Variants in ARHGEF1 observed in about 807,000 individuals in gnomAD.
ARHGEF1 encodes the protein 115 kDa guanine nucleotide exchange factor.
In ARHGEF1, 40 loss-of-function variants were observed where a neutral mutation model predicts 119.7. The observed-to-expected ratio is 0.33, with a 90% confidence interval of 0.26 to 0.44. The LOEUF is 0.44. Ranked by LOEUF, ARHGEF1 falls within the 20% of genes least tolerant of loss-of-function variation. The probability of loss-of-function intolerance (pLI) is 1.00; values close to 1 mark genes in which losing one functional copy is unlikely to be tolerated. For synonymous variants in ARHGEF1, 494 were observed against 521.0 expected, an observed-to-expected ratio of 0.95 and a Z score of 0.71; for missense variants, 976 against 1,268.3, an observed-to-expected ratio of 0.77 and a Z score of 3.50.
At chr19:41,894,792 C>T in intron 11 of ARHGEF1, 131 bp downstream of exon 11, 4 of 1,074,736 alleles carry the variant, frequency 3.7e-6, no homozygotes, top group Non-Finnish European at 4.1e-6. Flanking sequence ...GGGATGGGGG[C>T]CTGGACACCT....
chr19:41,917,737 G>A lies in ARHGEF1; in HGVS notation c.1866-5355G>A, dbSNP rs75662567. On this transcript the variant is annotated intron_variant, in intron 18 of 20. Transcript: ENST00000599589. This position sits in a 1 kb window ranked among gnomAD's most constrained non-coding sequence, Gnocchi z 4.8. Reference sequence around the variant, plus strand: ...GGACATATCTCTCCTTACGCCACACGCCCATGTAGGACACATCTGTGCACA... The same window carrying A: ...GGACATATCTCTCCTTACGCCACACACCCATGTAGGACACATCTGTGCACA... Among the ~76,000 whole-genome samples, 4,077 of 151,562 alleles carry A rather than the reference G, an allele frequency of 0.027. 184 individuals carry two copies. Among genetic ancestry groups the A allele is most frequent in the African/African-American group, 0.093 (3,825 of 41,146 alleles).
In ARHGEF1 at chr19:41,905,720, G is replaced by A. The variant is rs782307324; in HGVS notation, c.2337-40G>A. 6.2e-6 allele frequency: 10 copies of A among 1,610,686 alleles called. No homozygotes were observed. The South Asian group carries it at 6.6e-5, about 11-fold the overall frequency. ...TCTCCCTGCCCCTGCGGCCCCCCAG[G>A]GCCAGGGGTGTGGGGTCACCCAGCA... On this transcript the variant is annotated intron_variant, in intron 24 of 28. Transcript: ENST00000354532. This position sits in a 1 kb window ranked among gnomAD's most constrained non-coding sequence, Gnocchi z 6.4.
At position 41,892,209 on chromosome 19, in the gene ARHGEF1, G is replaced by T; in HGVS notation, c.324+86G>T. On this transcript the variant is annotated intron_variant, in intron 5 of 28. Transcript: ENST00000354532. This position sits in a 1 kb window ranked among gnomAD's most constrained non-coding sequence, Gnocchi z 6.3. ...TGCGGTCCCCAGCCTCTGCCCTGAGGGCAGCTGCTGACCCAGGCCTTCCCC... is the reference window on the plus strand; with the variant it reads ...TGCGGTCCCCAGCCTCTGCCCTGAGTGCAGCTGCTGACCCAGGCCTTCCCC... 1 of 1,561,998 alleles carries T rather than the reference G, an allele frequency of 6.4e-7. No homozygotes were observed. Among genetic ancestry groups the T allele is most frequent in the Non-Finnish European group, 8.8e-7 (1 of 1,138,422 alleles).
Position 41,913,292 on chromosome 19 carries a change from C to T in ARHGEF1, c.1865+6489C>T, listed in dbSNP as rs1294679693. ...GCCCGCCCGCCCGCCGCTCGCGCCC[C>T]GCACCGTCTCTGCTGCCGTCTCCCG... On this transcript the variant is annotated intron_variant, in intron 18 of 20. Coordinates refer to the ARHGEF1 transcript ENST00000599589. 3.9e-3 allele frequency among the ~76,000 whole-genome samples: 583 copies of T among 151,294 alleles called. 4 individuals carry two copies. The highest frequency in any genetic ancestry group is 0.014 in the African/African-American group (570 of 41,162).
At chr19:41,885,063 T>C (rs76614891) in intron 1 of ARHGEF1, among the ~76,000 whole-genome samples, 3,915 of 151,662 alleles carry the variant, frequency 0.026, 175 homozygotes, top group African/African-American at 0.089. Flanking sequence ...CCCCAACCCA[T>C]GGACCTTCTA....
intron 13 of ARHGEF1, chr19:41,897,235 G>A (rs1555847999): frequency 2.4e-6 from 3 of 1,265,030 alleles, no homozygotes; most frequent in Non-Finnish European, 2.1e-6. Flanking sequence ...CCGCTGCTTT[G>A]GGGACCCTTT....
At position 41,906,677 on chromosome 19, in the gene ARHGEF1, CT is replaced by C. The variant is rs1555850297; in HGVS notation, c.2656-25del. 2.5e-6 allele frequency: 4 copies of C among 1,600,042 alleles called. No individual in the cohort carries two copies. The East Asian group carries it at 6.7e-5, about 27-fold the overall frequency. On this transcript the variant is annotated intron_variant, in intron 27 of 28. Coordinates refer to ENST00000354532, the MANE Select transcript of ARHGEF1 (RefSeq NM_004706.4). The surrounding 1 kb of genome is among the most constrained non-coding windows in gnomAD (Gnocchi z 4.5). ...TGGGCTGGGGAAGGAAGGGGCCCCC[CT>C]CATCCATGACCCCCACCCCACCAGG...
chr19:41,900,555 G>C (rs2074584601), intron 14 of ARHGEF1, among the ~76,000 whole-genome samples: 1 of 152,082 alleles, frequency 6.6e-6, no homozygotes, highest in Non-Finnish European at 1.5e-5. Context: ...CCGGGGATGT[G>C]GGGGTCCCTG....
At position 41,907,177 on chromosome 19, in the gene ARHGEF1, A is replaced by G. The variant is rs2074716114; in HGVS notation, c.*90A>G. 2 of 1,528,812 alleles carry G rather than the reference A, an allele frequency of 1.3e-6. No individual in the cohort carries two copies. The highest frequency in any genetic ancestry group is 1.4e-5 in the African/African-American group (1 of 72,528). The allele number at this position is 1,528,812 out of a possible 1,614,324, so 94.7% of individuals were successfully genotyped here. A position where few individuals can be genotyped will look rare whatever the true frequency, so the allele number is the denominator to read the frequency against. On this transcript the variant is annotated 3_prime_UTR_variant, in exon 29 of 29. Transcript: ENST00000354532. ...CCCCCACCCACACAGCTGCCGCAGC[A>G]TCTCACACCCCGAGGGCCTGAGGAG...
chr19:41,893,012 G>A (rs1242153771), intron 7 of ARHGEF1, among the ~76,000 whole-genome samples, 163 bp downstream of exon 7: 1 of 152,202 alleles, frequency 6.6e-6, no homozygotes, highest in Non-Finnish European at 1.5e-5. Flanking sequence ...AACTCACCTT[G>A]AATCCGAGTC....
downstream of ARHGEF1, among the ~76,000 whole-genome samples, chr19:41,912,439 AC>A (rs1555851346): frequency 6.6e-6 from 1 of 151,818 alleles, no homozygotes. Flanking sequence ...GCCTGCACGT[AC>A]CCCTGACTGG....
chr19:41,898,544 C>G lies in ARHGEF1; in HGVS notation c.1224C>G (p.His408Gln), dbSNP rs2074549792. ...WRELVPPDTL[H>Q]SLPKSQVKRQ... ...AACTCGTCCCCCCAGACACCCTGCA[C>G]AGCCTGCCCAAGAGCCAGGTGAAGC... Residue 408 changes from histidine (H) to glutamine (Q), a missense_variant, in exon 14 of 29, where the codon CAC becomes CAG. By Grantham distance (24) the His-to-Gln change is conservative (BLOSUM62 0). This residue lies in a region of ARHGEF1 where 519 missense variants were observed against 580.9 expected (regional missense o/e 0.89). Transcript: ENST00000354532. The G allele has an allele frequency of 6.4e-7, 1 of 1,574,748 alleles. No homozygotes were observed. Among genetic ancestry groups the G allele is most frequent in the Non-Finnish European group, 8.6e-7 (1 of 1,160,560 alleles).
chr19:41,920,285 G>GCA (rs2074833674), upstream of ARHGEF1, among the ~76,000 whole-genome samples: 1 of 121,486 alleles, frequency 8.2e-6, no homozygotes, highest in African/African-American at 3.0e-5. Flanking sequence ...ACATGATAAC[G>GCA]CTCACAGACA....
rs891729818 is a variant in ARHGEF1 at position 41,903,502 on chromosome 19, C to T, written c.1839+95C>T. On this transcript the variant is annotated intron_variant, in intron 19 of 28. Coordinates refer to ENST00000354532, the MANE Select transcript of ARHGEF1 (RefSeq NM_004706.4). This position sits in a 1 kb window ranked among gnomAD's most constrained non-coding sequence, Gnocchi z 4.2. The stretch of plus-strand genomic sequence containing the variant: ...CCTGTCCAGAAGTCACACCCCACCC[C>T]TTGGCTTGTCTCCCTCAAGGGTCAC... 15 of 1,259,312 alleles carry T rather than the reference C, an allele frequency of 1.2e-5. No homozygotes were observed. In the East Asian group the frequency reaches 3.8e-4, roughly 32 times the overall value. 78.0% of individuals were successfully genotyped at this position (1,259,312 alleles called of 1,614,324 possible). A position where few individuals can be genotyped will look rare whatever the true frequency, so the allele number is the denominator to read the frequency against.
downstream of ARHGEF1, among the ~76,000 whole-genome samples, chr19:41,909,705 G>A (rs1217765474): frequency 1.3e-5 from 2 of 152,088 alleles, no homozygotes; most frequent in African/African-American, 4.8e-5. The surrounding 1 kb of genome is among the most constrained non-coding windows in gnomAD (Gnocchi z 5.2). Flanking sequence ...CCTCCTCCTC[G>A]CCTCCCTTCC....
At chr19:41,927,232 C>A (rs1257416325) in intron 1 of ARHGEF1, among the ~76,000 whole-genome samples, 1 of 152,056 alleles carries the variant, frequency 6.6e-6, no homozygotes, top group Non-Finnish European at 1.5e-5. Flanking sequence ...CAGGGCCCTG[C>A]GACAGTGGTG....
In ARHGEF1 at chr19:41,895,496, T is replaced by C. The variant is rs199909221; in HGVS notation, c.1015+10T>C. 1.1e-4 allele frequency: 174 copies of C among 1,587,538 alleles called. No individual in the cohort carries two copies. The highest frequency in any genetic ancestry group is 1.4e-4 in the Non-Finnish European group (163 of 1,163,610). On this transcript the variant is annotated intron_variant, in intron 12 of 28. Coordinates refer to ENST00000354532, the MANE Select transcript of ARHGEF1 (RefSeq NM_004706.4). Reference sequence around the variant, plus strand: ...CCAGACCGGGAACCAGGTGAGAGTTTCCTGGGCCAGGGCTCCATGAGGCCC... The same window carrying C: ...CCAGACCGGGAACCAGGTGAGAGTTCCCTGGGCCAGGGCTCCATGAGGCCC...
chr19:41,901,542 A>C (rs2074605018), intron 14 of ARHGEF1, among the ~76,000 whole-genome samples: 1 of 152,148 alleles, frequency 6.6e-6, no homozygotes, highest in Non-Finnish European at 1.5e-5. Context: ...CCTGGGCTCA[A>C]GGGATCCTCC....
intron 18 of ARHGEF1, chr19:41,912,787 G>C: frequency 1.8e-6 from 1 of 550,686 alleles, no homozygotes; most frequent in Non-Finnish European, 2.7e-6. Flanking sequence ...GGAGAGAAGG[G>C]GGATGCGGCT....
Sources: gnomAD v4.1 joint callset for allele counts (sites outside exome capture counted in the v4.1 genomes callset) on GRCh38, gnomAD v4.1.1 for gene constraint, gnomAD v4.1.1 regional missense constraint, Gnocchi (gnomAD v3.1) non-coding constraint, MANE v1.5 for transcripts, NCBI Gene and HGNC (gene_info 2026-07-23, HGNC 2026-07-21) for gene names.